Variants in ARHGEF10L observed in about 807,000 individuals in gnomAD.
The protein encoded by ARHGEF10L is Rho guanine nucleotide exchange factor 10 like.
Under a neutral mutation model 141.2 loss-of-function variants are expected in ARHGEF10L, and 69 were observed. The observed-to-expected ratio is 0.49, with a 90% CI of 0.40 to 0.60. The LOEUF (loss-of-function observed/expected upper bound fraction) is 0.60. ARHGEF10L is among the 20% of genes least tolerant of loss of function. The pLI is 0.00. For synonymous variants in ARHGEF10L, 711 were observed against 718.5 expected (o/e 0.99, Z 0.17); for missense variants, 1,482 against 1,734.3 (o/e 0.85, Z 2.58).
rs937631218 is a variant in ARHGEF10L at position 17,610,720 on chromosome 1, G to A, written c.610-2338G>A. On this transcript the variant is annotated intron_variant, in intron 7 of 28. Coordinates refer to ENST00000361221, the MANE Select transcript of ARHGEF10L (RefSeq NM_018125.4). The stretch of plus-strand genomic sequence containing the variant: ...AAGCTGACAGCAGGGGTCTGGGGAT[G>A]TGTTTTGTCCTGTTCTTGGAGACTG... 2.0e-5 allele frequency among the ~76,000 whole-genome samples: 3 copies of A among 152,218 alleles called. No individual in the cohort carries two copies. The South Asian group carries it at 6.2e-4, about 32-fold the overall frequency.
In ARHGEF10L at chr1:17,627,515, C is replaced by T; in HGVS notation, c.1584+12C>T. The T allele has an allele frequency of 6.2e-7, 1 of 1,610,024 alleles. No individual in the cohort carries two copies. The highest frequency in any genetic ancestry group is 8.5e-7 in the Non-Finnish European group (1 of 1,178,952). ...GCAGCCTCAACAAGGTGAGCTGGGC[C>T]TCCCACCTGCCTGCCCTCACCTGCC... On this transcript the variant is annotated intron_variant, in intron 15 of 28. Transcript: ENST00000361221. The surrounding 1 kb of genome is among the most constrained non-coding windows in gnomAD (Gnocchi z 4.0).
chr1:17,542,670 G>A (rs959149317), intron 1 of ARHGEF10L, among the ~76,000 whole-genome samples: 16 of 152,220 alleles, frequency 1.1e-4, no homozygotes, highest in African/African-American at 2.2e-4. Context: ...AGATAATAAC[G>A]TGGATTTATA....
At position 17,580,337 on chromosome 1, in the gene ARHGEF10L, C is replaced by T. The variant is rs563657782; in HGVS notation, c.-43-216C>T. On this transcript the variant is annotated intron_variant, in intron 1 of 28. Coordinates refer to ENST00000361221, the MANE Select transcript of ARHGEF10L (RefSeq NM_018125.4). ...CTGGCAACAGGAAGGTCTGTGGCTG[C>T]AGGGTTTTCTGGGAAGAAGGATTTG... Among the ~76,000 whole-genome samples the T allele has an allele frequency of 3.3e-5, 5 of 152,308 alleles. No individual in the cohort carries two copies. The South Asian group carries it at 1.0e-3, about 32-fold the overall frequency.
Position 17,656,362 on chromosome 1 carries a change from G to C in ARHGEF10L, c.2706-192G>C, listed in dbSNP as rs1281300529. On this transcript the variant is annotated intron_variant, in intron 24 of 28. Coordinates refer to ENST00000361221, the MANE Select transcript of ARHGEF10L (RefSeq NM_018125.4). This position sits in a 1 kb window ranked among gnomAD's most constrained non-coding sequence, Gnocchi z 4.9. ...GTCCTCTTCGTGACAGAGGTGTCAG[G>C]GAGGGTACCGTCCCAGAAAACCATG... 6.6e-6 allele frequency among the ~76,000 whole-genome samples: 1 copy of C among 152,212 alleles called. No individual in the cohort carries two copies. Among genetic ancestry groups the C allele is most frequent in the Non-Finnish European group, 1.5e-5 (1 of 68,044 alleles).
At chr1:17,624,541 G>T (rs1426592923) in intron 13 of ARHGEF10L, 38 bp downstream of exon 13, 37 of 1,553,694 alleles carry the variant, frequency 2.4e-5, no homozygotes, top group Non-Finnish European at 3.0e-5. Flanking sequence ...GGTCAGGGTG[G>T]GCAGGGAGAT....
chr1:17,525,360 G>A, the ARHGEF10L span, among the ~76,000 whole-genome samples: 1 of 152,230 alleles, frequency 6.6e-6, no homozygotes, highest in Non-Finnish European at 1.5e-5. Context: ...AACTGGGGTG[G>A]GGGATGGGAC....
At chr1:17,663,414 G>T (rs1430865969) in intron 25 of ARHGEF10L, among the ~76,000 whole-genome samples, 1 of 152,154 alleles carries the variant, frequency 6.6e-6, no homozygotes, top group East Asian at 1.9e-4. Flanking sequence ...TTAACTGGGT[G>T]TGGTGGCGGG....
At chr1:17,614,539 T>G (rs1195349235) in intron 8 of ARHGEF10L, among the ~76,000 whole-genome samples, 3 of 152,180 alleles carry the variant, frequency 2.0e-5, no homozygotes, top group African/African-American at 7.2e-5. Context: ...CTGATGGCTT[T>G]CTGCCAGGAC....
In ARHGEF10L at chr1:17,548,898, C is replaced by G. The variant is rs539212576; in HGVS notation, c.-44+8948C>G. 5.9e-5 allele frequency among the ~76,000 whole-genome samples: 9 copies of G among 151,966 alleles called. No homozygotes were observed. In the East Asian group the frequency reaches 1.7e-3, roughly 29 times the overall value. ...TCCTGACCTCAAATGATTCTCCTGC[C>G]TCAGCCTCCCAAAGTGCTGGGACTA... is the stretch of plus-strand genomic sequence containing the variant. On this transcript the variant is annotated intron_variant, in intron 1 of 28. Transcript: ENST00000361221.
chr1:17,667,056 C>T (rs894007983), intron 26 of ARHGEF10L, among the ~76,000 whole-genome samples: 1 of 152,220 alleles, frequency 6.6e-6, no homozygotes, highest in Non-Finnish European at 1.5e-5. Flanking sequence ...GCACTGTCCT[C>T]ACAGCAGGTC....
At chr1:17,592,688 G>A (rs1028767684) in intron 4 of ARHGEF10L, among the ~76,000 whole-genome samples, 13 of 152,156 alleles carry the variant, frequency 8.5e-5, no homozygotes, top group African/African-American at 2.4e-4. Context: ...GGTCCGCAGC[G>A]TCTGGAGGAA....
Position 17,654,832 on chromosome 1 carries a change from A to G in ARHGEF10L, c.2481+110A>G. 1 of 1,037,204 alleles carries G rather than the reference A, an allele frequency of 9.6e-7. No homozygotes were observed. The highest frequency in any genetic ancestry group is 2.4e-5 in the East Asian group (1 of 41,916). 64.3% of individuals were successfully genotyped at this position (1,037,204 alleles called of 1,614,324 possible). A position where few individuals can be genotyped will look rare whatever the true frequency, so the allele number is the denominator to read the frequency against. On this transcript the variant is annotated intron_variant, in intron 23 of 28. Coordinates refer to ENST00000361221, the MANE Select transcript of ARHGEF10L (RefSeq NM_018125.4). The surrounding 1 kb of genome is among the most constrained non-coding windows in gnomAD (Gnocchi z 4.3). The stretch of plus-strand genomic sequence containing the variant: ...AGCAGCTGCCTGCCTCATCTCATGC[A>G]GCTTCATCCACCAAGGTCTTCCTGG...
intron 1 of ARHGEF10L, among the ~76,000 whole-genome samples, chr1:17,560,065 G>T (rs1320098352): frequency 1.3e-5 from 2 of 152,170 alleles, no homozygotes; most frequent in African/African-American, 2.4e-5. Context: ...CTTCTTGGGG[G>T]ACAGCTAGGC....
At chr1:17,604,003 G>T (rs959302913) in intron 6 of ARHGEF10L, among the ~76,000 whole-genome samples, 2 of 152,178 alleles carry the variant, frequency 1.3e-5, no homozygotes, top group African/African-American at 4.8e-5. Context: ...AGGTGGGCAG[G>T]CAGGCAGGCG....
chr1:17,523,301 C>T, the ARHGEF10L span, among the ~76,000 whole-genome samples: 1 of 152,098 alleles, frequency 6.6e-6, no homozygotes, highest in Non-Finnish European at 1.5e-5. Flanking sequence ...GTTGGCCAGG[C>T]TGGTCTCGAA....
intron 26 of ARHGEF10L, among the ~76,000 whole-genome samples, chr1:17,679,533 G>A (rs896640982): frequency 6.6e-6 from 1 of 152,206 alleles, no homozygotes; most frequent in Non-Finnish European, 1.5e-5. Flanking sequence ...CCCTAGGTTT[G>A]AATTTGGCTT....
At position 17,656,213 on chromosome 1, in the gene ARHGEF10L, C is replaced by T. The variant is rs1033241414; in HGVS notation, c.2705+111C>T. The T allele has an allele frequency of 3.1e-6, 4 of 1,286,700 alleles. No homozygotes were observed. The highest frequency in any genetic ancestry group is 2.9e-5 in the African/African-American group (2 of 68,194). 79.7% of individuals were successfully genotyped at this position (1,286,700 alleles called of 1,614,324 possible). ...CCTGTTGCCCACCAACATTCTCTGCCCCTGGTCTCCAGGAAGGTGGGCACC... is the reference window on the plus strand; with the variant it reads ...CCTGTTGCCCACCAACATTCTCTGCTCCTGGTCTCCAGGAAGGTGGGCACC... On this transcript the variant is annotated intron_variant, in intron 24 of 28. Transcript: ENST00000361221. The surrounding 1 kb of genome is among the most constrained non-coding windows in gnomAD (Gnocchi z 4.9).
chr1:17,648,318 C>T (rs185481300), intron 21 of ARHGEF10L, among the ~76,000 whole-genome samples: 4 of 152,310 alleles, frequency 2.6e-5, no homozygotes, highest in Admixed American at 2.0e-4. Context: ...GGTTGTTCAG[C>T]GGTAGGGTGG....
intron 1 of ARHGEF10L, among the ~76,000 whole-genome samples, chr1:17,563,174 G>A (rs2077610674): frequency 6.6e-6 from 1 of 152,086 alleles, no homozygotes; most frequent in African/African-American, 2.4e-5. Context: ...GGGCATTTAT[G>A]GAATACCCAC....
Sources: allele counts gnomAD v4.1 joint callset (sites outside exome capture counted in the v4.1 genomes callset), GRCh38; gene constraint gnomAD v4.1.1; non-coding constraint Gnocchi (gnomAD v3.1); transcripts MANE v1.5; gene names NCBI Gene and HGNC (gene_info 2026-07-23, HGNC 2026-07-21).